Variants in CRB1 observed in about 807,000 individuals in gnomAD.
CRB1 encodes protein crumbs homolog 1.
CRB1 carries 83 observed loss-of-function variants against 120.0 expected under a neutral mutation model. The observed-to-expected ratio is 0.69, with a 90% confidence interval of 0.58 to 0.83. CRB1 has a LOEUF of 0.83. Ranked by LOEUF, CRB1 falls within the 40% of genes least tolerant of loss-of-function variation. CRB1 has a pLI of 0.00. For missense variants in CRB1, 1,699 were observed against 1,687.6 expected (o/e 1.01, Z -0.12); for synonymous variants, 625 against 612.5 (o/e 1.02, Z -0.30).
chr1:197,292,362 G>A (rs142572752), intron 1 of CRB1, among the ~76,000 whole-genome samples: 2,554 of 152,086 alleles, frequency 0.017, 35 homozygotes, highest in Non-Finnish European at 0.025. Flanking sequence ...ACTAAGCCAG[G>A]AAGTTGAATC....
intron 4 of CRB1, among the ~76,000 whole-genome samples, chr1:197,349,633 T>G (rs2125337062): frequency 6.6e-6 from 1 of 152,320 alleles, no homozygotes; most frequent in Admixed American, 6.5e-5. Context: ...GATATCCTAT[T>G]GCCTAAGAGA....
chr1:197,410,485 T>A (rs979336201), intron 5 of CRB1, among the ~76,000 whole-genome samples: 2 of 151,916 alleles, frequency 1.3e-5, no homozygotes, highest in Non-Finnish European at 2.9e-5. Flanking sequence ...AAAAATAGAG[T>A]TAGTGAATTA....
At chr1:197,314,236 G>C (rs1205157519) in intron 1 of CRB1, among the ~76,000 whole-genome samples, 1 of 152,102 alleles carries the variant, frequency 6.6e-6, no homozygotes, top group South Asian at 2.1e-4. Context: ...CCATTCTTCA[G>C]ATTATGTAAT....
At chr1:197,283,635 A>G (rs1189501216) in intron 1 of CRB1, among the ~76,000 whole-genome samples, 6 of 151,808 alleles carry the variant, frequency 4.0e-5, no homozygotes, top group Non-Finnish European at 7.4e-5. Flanking sequence ...GGATAGATAT[A>G]TATCGATATA....
At chr1:197,405,518 C>T (rs1306111118) in intron 5 of CRB1, among the ~76,000 whole-genome samples, 1 of 151,792 alleles carries the variant, frequency 6.6e-6, no homozygotes, top group Non-Finnish European at 1.5e-5. Flanking sequence ...AAGTGAGGAG[C>T]GTCTCTGCCT....
Position 197,328,704 on chromosome 1 carries a change from C to T in CRB1, c.353C>T (p.Ser118Phe), listed in dbSNP as rs1658671249. 1.2e-6 allele frequency: 2 copies of T among 1,613,062 alleles called. No individual in the cohort carries two copies. Among genetic ancestry groups the T allele is most frequent in the Non-Finnish European group, 1.7e-6 (2 of 1,179,150 alleles). Residue 118 changes from serine to phenylalanine, a missense_variant, in exon 2 of 12, where the codon TCC becomes TTC. By Grantham distance (155) the Ser-to-Phe change is radical. Coordinates refer to ENST00000367400, the MANE Select transcript of CRB1 (RefSeq NM_201253.3). ...ETTIGSCGKNSCQHGGICHQD... is the reference protein window; with the variant it reads ...ETTIGSCGKNFCQHGGICHQD... ...ACCATTGGTTCCTGTGGCAAGAACT[C>T]CTGCCAACATGGAGGTATTTGCCAT...
intron 4 of CRB1, among the ~76,000 whole-genome samples, chr1:197,349,882 T>G (rs568885874): frequency 6.6e-6 from 1 of 151,538 alleles, no homozygotes; most frequent in Non-Finnish European, 1.5e-5. Context: ...GGGTGGATCA[T>G]GAGGTCAGGA....
rs1419676927 is a variant in CRB1, at chr1:197,328,639, C to T, written c.288C>T (p.Cys96=). ...VNTPGERSFL[C]KCPPGYSGTI... is the part of the protein sequence containing the mutation. The stretch of plus-strand genomic sequence containing the variant: ...CCCCAGGAGAAAGGAGCTTTCTGTG[C>T]AAATGTCCTCCTGGGTACAGTGGGA... The change falls in exon 2 of 12, where the codon TGC becomes TGT. Residue 96 remains cysteine, a synonymous_variant. Transcript: ENST00000367400. 5 of 1,614,038 alleles carry T rather than the reference C, an allele frequency of 3.1e-6. No individual in the cohort carries two copies. The highest frequency in any genetic ancestry group is 4.2e-6 in the Non-Finnish European group (5 of 1,180,008).
chr1:197,410,015 GA>G (rs1663622439), intron 5 of CRB1, among the ~76,000 whole-genome samples: 1 of 152,142 alleles, frequency 6.6e-6, no homozygotes. Flanking sequence ...TCGATCTCCT[GA>G]CCTCGTGATC....
At chr1:197,323,339 A>T (rs1368451829) in intron 1 of CRB1, among the ~76,000 whole-genome samples, 1 of 152,216 alleles carries the variant, frequency 6.6e-6, no homozygotes, top group Non-Finnish European at 1.5e-5. Context: ...ATCATTATAT[A>T]ATTGACATTG....
chr1:197,405,986 G>A (rs1435183471), intron 5 of CRB1, among the ~76,000 whole-genome samples: 10 of 151,130 alleles, frequency 6.6e-5, no homozygotes, highest in African/African-American at 9.7e-5. Flanking sequence ...CAGCCGCCCC[G>A]TCCGGGAGGT....
At chr1:197,476,456 T>C (rs1198451238) in intron 11 of CRB1, among the ~76,000 whole-genome samples, 2 of 152,092 alleles carry the variant, frequency 1.3e-5, no homozygotes, top group Non-Finnish European at 2.9e-5. Flanking sequence ...AACTTTTATT[T>C]GTCTTTGTAT....
the CRB1 span, among the ~76,000 whole-genome samples, chr1:197,237,890 G>T: frequency 6.6e-6 from 1 of 151,720 alleles, no homozygotes; most frequent in Non-Finnish European, 1.5e-5. Context: ...TGATAGCTTT[G>T]TATTTTCTTT....
chr1:197,457,720 C>T lies in CRB1; in HGVS notation c.4005+15428C>T, dbSNP rs907511119. 4.6e-5 allele frequency among the ~76,000 whole-genome samples: 7 copies of T among 152,240 alleles called. No individual in the cohort carries two copies. The East Asian group carries it at 1.3e-3, about 29-fold the overall frequency. On this transcript the variant is annotated intron_variant, in intron 11 of 11. Coordinates refer to ENST00000367400, the MANE Select transcript of CRB1 (RefSeq NM_201253.3). ...AGCTTCGTGCAGAAGATATTTGATCCAGCTCTTAAAGAATAAGCAAGCATT... is the reference window on the plus strand; with the variant it reads ...AGCTTCGTGCAGAAGATATTTGATCTAGCTCTTAAAGAATAAGCAAGCATT...
At chr1:197,276,020 G>C in intron 1 of CRB1, among the ~76,000 whole-genome samples, 1 of 151,830 alleles carries the variant, frequency 6.6e-6, no homozygotes, top group East Asian at 1.9e-4. Flanking sequence ...CAGTCATCTA[G>C]TGTCCTTCCT....
At chr1:197,432,816 G>C (rs35959045) in intron 8 of CRB1, among the ~76,000 whole-genome samples, 8 of 152,074 alleles carry the variant, frequency 5.3e-5, no homozygotes, top group Non-Finnish European at 1.2e-4. Context: ...CTTCTCAGAG[G>C]AGGTGACATT....
intron 4 of CRB1, among the ~76,000 whole-genome samples, chr1:197,347,695 C>A (rs1457344678): frequency 6.6e-6 from 1 of 152,064 alleles, no homozygotes; most frequent in Non-Finnish European, 1.5e-5. Flanking sequence ...ATGATCATAA[C>A]CCTCTAGAGG....
intron 11 of CRB1, among the ~76,000 whole-genome samples, chr1:197,476,397 TGC>T (rs138578688): frequency 1.4e-5 from 2 of 146,016 alleles, no homozygotes; most frequent in East Asian, 2.0e-4. Flanking sequence ...TGTGTGTGTG[TGC>T]GCGTCTTCCT....
the CRB1 span, among the ~76,000 whole-genome samples, chr1:197,226,896 T>C: frequency 6.6e-6 from 1 of 152,162 alleles, no homozygotes; most frequent in Admixed American, 6.5e-5. Context: ...CAGAAACCCC[T>C]GATAAAACCA....
Sources: gnomAD v4.1 joint callset for allele counts (sites outside exome capture counted in the v4.1 genomes callset) on GRCh38, gnomAD v4.1.1 for gene constraint, MANE v1.5 for transcripts, NCBI Gene and HGNC (gene_info 2026-07-23, HGNC 2026-07-21) for gene names.